Variants in BTBD7 observed in about 807,000 individuals in gnomAD.
BTBD7 encodes BTB domain containing 7, also known as BTB/POZ domain-containing protein 7.
In BTBD7, 38 loss-of-function variants were observed where a neutral mutation model predicts 99.9. That is an observed-to-expected ratio of 0.38 (90% CI 0.29 to 0.50). The LOEUF is 0.50. BTBD7 is among the 20% of genes least tolerant of loss of function. BTBD7 has a pLI of 0.93. For synonymous variants in BTBD7, 520 were observed against 511.4 expected, an observed-to-expected ratio of 1.02 and a Z score of -0.23; for missense variants, 1,170 against 1,394.6, an observed-to-expected ratio of 0.84 and a Z score of 2.57.
At chr14:93,316,531 G>A (rs550364527) in intron 1 of BTBD7, among the ~76,000 whole-genome samples, 1 of 152,268 alleles carries the variant, frequency 6.6e-6, no homozygotes, top group East Asian at 1.9e-4. Flanking sequence ...TTACAGGTGT[G>A]AGCCACCATA....
In BTBD7 at chr14:93,285,083, A is replaced by T. The variant is rs1048577911; in HGVS notation, c.1162+8775T>A. Among the ~76,000 whole-genome samples, 21 of 152,264 alleles carry T rather than the reference A, an allele frequency of 1.4e-4. No homozygotes were observed. In the South Asian group the frequency reaches 1.9e-3, roughly 14 times the overall value. ...TAGCTTGGCCCCATTCTTCTCTAGG[A>T]AGTACATTCAAATTTGCTGAAGAGG... is the stretch of plus-strand genomic sequence containing the variant. On this transcript the variant is annotated intron_variant, in intron 3 of 10. Transcript: ENST00000334746.
intron 1 of BTBD7, among the ~76,000 whole-genome samples, chr14:93,319,588 G>C (rs967634973): frequency 3.9e-5 from 6 of 152,168 alleles, no homozygotes; most frequent in African/African-American, 1.2e-4. Flanking sequence ...AGAATGATAA[G>C]TGAGTATCTA....
chr14:93,277,739 G>A (rs17128981), intron 3 of BTBD7, among the ~76,000 whole-genome samples: 27 of 151,934 alleles, frequency 1.8e-4, no homozygotes, highest in Non-Finnish European at 3.2e-4. Flanking sequence ...ATAAGCGTAC[G>A]CACTGTACTG....
chr14:93,331,388 G>C (rs1026716666), intron 1 of BTBD7, among the ~76,000 whole-genome samples: 5 of 152,092 alleles, frequency 3.3e-5, no homozygotes, highest in African/African-American at 1.2e-4. Flanking sequence ...CTGGTTTCCC[G>C]GCTCTAAAAC....
chr14:93,242,475 A>G lies in BTBD7; in HGVS notation c.3197T>C (p.Phe1066Ser), dbSNP rs2139668675. The G allele has an allele frequency of 6.2e-7, 1 of 1,614,232 alleles. No individual in the cohort carries two copies. The highest frequency in any genetic ancestry group is 2.2e-5 in the East Asian group (1 of 44,880). ...TGAAGGTCTGTTAGGAGTCAGCCCA[A>G]AAGTCAAGTCAGTTTCTACTGCAGT... Reference protein sequence around the residue: ...GRTAVETDLTFGLTPNRPSLS... With the variant: ...GRTAVETDLTSGLTPNRPSLS... The change falls in exon 11 of 11, where the codon TTT becomes TCT. Residue 1066 changes from phenylalanine to serine, a missense_variant. Phe to Ser is a radical substitution (Grantham distance 155, BLOSUM62 -2). Around this residue, in one of 4 missense-constraint regions of BTBD7, gnomAD observed 495 missense variants for 525.9 expected, o/e 0.94. Transcript: ENST00000334746.
At chr14:93,300,021 A>G (rs1434738914) in intron 1 of BTBD7, among the ~76,000 whole-genome samples, 1 of 152,120 alleles carries the variant, frequency 6.6e-6, no homozygotes, top group Non-Finnish European at 1.5e-5. Context: ...CCATAAAAAC[A>G]CTTTTTATTG....
chr14:93,309,392 ACTC>A (rs2053111908), intron 1 of BTBD7, among the ~76,000 whole-genome samples: 1 of 146,238 alleles, frequency 6.8e-6, no homozygotes, highest in African/African-American at 2.6e-5. Flanking sequence ...CAAGGGCAAA[ACTC>A]CTCTGTCTCC....
intron 3 of BTBD7, among the ~76,000 whole-genome samples, chr14:93,269,336 G>A (rs2052576363): frequency 6.6e-6 from 1 of 152,188 alleles, no homozygotes; most frequent in Non-Finnish European, 1.5e-5. Flanking sequence ...TAGCAGCAAG[G>A]CAGAAGGGAT....
In BTBD7 at chr14:93,286,430, T is replaced by C. The variant is rs189582612; in HGVS notation, c.1162+7428A>G. 4.3e-3 allele frequency among the ~76,000 whole-genome samples: 654 copies of C among 152,290 alleles called. 22 individuals are homozygous for C. Among genetic ancestry groups the C allele is most frequent in the East Asian group, 4.8e-3 (25 of 5,192 alleles). ...GCAAAGTTTGAGTGAGCTACTCAGA[T>C]CCCTGACCCTACAGCTTTAAACCTC... On this transcript the variant is annotated intron_variant, in intron 3 of 10. Coordinates refer to ENST00000334746, the MANE Select transcript of BTBD7 (RefSeq NM_001002860.4).
intron 1 of BTBD7, among the ~76,000 whole-genome samples, chr14:93,304,254 A>G (rs547824091): frequency 6.6e-6 from 1 of 152,374 alleles, no homozygotes; most frequent in East Asian, 1.9e-4. Flanking sequence ...CTAATCAGGG[A>G]CAACTGTTTT....
At position 93,248,667 on chromosome 14, in the gene BTBD7, C is replaced by A. The variant is rs2139680982; in HGVS notation, c.1943-13G>T. 2 of 1,576,762 alleles carry A rather than the reference C, an allele frequency of 1.3e-6. No homozygotes were observed. The highest frequency in any genetic ancestry group is 1.7e-6 in the Non-Finnish European group (2 of 1,162,330). ...AGGAGACGAGGAACTGGAAGGAGAA[C>A]AACAGTGGGCAAGCAAAATTCCTGA... is the stretch of plus-strand genomic sequence containing the variant. On this transcript the variant is annotated splice_polypyrimidine_tract_variant and intron_variant, in intron 8 of 10. Transcript: ENST00000334746.
chr14:93,293,170 T>G (rs1004199822), intron 3 of BTBD7, among the ~76,000 whole-genome samples: 2 of 152,200 alleles, frequency 1.3e-5, no homozygotes, highest in Non-Finnish European at 2.9e-5. Context: ...ATTCTAACAT[T>G]TACCAACAGA....
At chr14:93,293,789 G>C in intron 3 of BTBD7, 69 bp downstream of exon 3, 1 of 1,517,070 alleles carries the variant, frequency 6.6e-7, no homozygotes, top group Non-Finnish European at 8.8e-7. Flanking sequence ...GAATATACTG[G>C]TTGTGTTTTC....
At chr14:93,297,513 G>A (rs1011267868) in intron 1 of BTBD7, among the ~76,000 whole-genome samples, 1 of 152,094 alleles carries the variant, frequency 6.6e-6, no homozygotes, top group African/African-American at 2.4e-5. Context: ...AGTAGAGATG[G>A]GGTTTCACCA....
At chr14:93,305,736 C>T (rs146960147) in intron 1 of BTBD7, among the ~76,000 whole-genome samples, 8 of 152,302 alleles carry the variant, frequency 5.3e-5, no homozygotes, top group Admixed American at 2.0e-4. Flanking sequence ...AGTCTGTTTT[C>T]TGTTGCCGTA....
chr14:93,263,673 A>G, intron 4 of BTBD7, 112 bp downstream of exon 4: 2 of 1,047,618 alleles, frequency 1.9e-6, no homozygotes, highest in South Asian at 3.0e-5. Flanking sequence ...TGGTTTGATC[A>G]CAGCCTGTTT....
In BTBD7 at chr14:93,239,993, A is replaced by G. The variant is rs60672738; in HGVS notation, c.*2280T>C. The G allele has an allele frequency of 2.8e-4, 42 of 152,270 alleles. No homozygotes were observed. Among genetic ancestry groups the G allele is most frequent in the African/African-American group, 9.6e-4 (40 of 41,540 alleles). 9.4% of individuals were successfully genotyped at this position (152,270 alleles called of 1,614,324 possible). On this transcript the variant is annotated 3_prime_UTR_variant, in exon 11 of 11. Transcript: ENST00000334746. ...GTCAACATACATATGTGGCAGAAAC[A>G]CACATCAAGGAACATGACGGCATTC...
intron 1 of BTBD7, among the ~76,000 whole-genome samples, chr14:93,301,730 GA>G (rs2053007055): frequency 6.6e-6 from 1 of 152,046 alleles, no homozygotes; most frequent in South Asian, 2.1e-4. Flanking sequence ...TAATGAAAGA[GA>G]AATGTAAAAC....
At position 93,294,771 on chromosome 14, in the gene BTBD7, G is replaced by C. The variant is rs1327086216; in HGVS notation, c.249C>G (p.Ala83=). The C allele has an allele frequency of 6.2e-7, 1 of 1,613,760 alleles. No homozygotes were observed. The highest frequency in any genetic ancestry group is 8.5e-7 in the Non-Finnish European group (1 of 1,180,006). ...CAGAGAGGAGTTCTCGCATCTGCTT[G>C]GCATGATCGGCAGACCTATTAGATT... ...RRKSNRSADH[A]KQMRELLSGW... Residue 83 remains alanine (A), a synonymous_variant, in exon 3 of 11, where the codon GCC becomes GCG. Transcript: ENST00000334746.
Sources: gnomAD v4.1 joint callset for allele counts (sites outside exome capture counted in the v4.1 genomes callset) on GRCh38, gnomAD v4.1.1 for gene constraint, gnomAD v4.1.1 regional missense constraint, MANE v1.5 for transcripts, NCBI Gene and HGNC (gene_info 2026-07-23, HGNC 2026-07-21) for gene names.